Variants in PDZD8 observed in about 807,000 individuals in gnomAD.
The protein encoded by PDZD8 is PDZ domain containing 8, also known as PDZ domain-containing protein 8.
In PDZD8, 14 loss-of-function variants were observed where a neutral mutation model predicts 85.8. That is an observed-to-expected ratio of 0.16 (90% CI 0.11 to 0.26). The LOEUF is 0.26. Among genes scored for constraint, PDZD8 ranks in the 10% least tolerant of loss-of-function variants. The pLI is 1.00. For missense variants in PDZD8, 1,197 were observed against 1,424.3 expected, an observed-to-expected ratio of 0.84 and a Z score of 2.57; for synonymous variants, 592 against 568.6, an observed-to-expected ratio of 1.04 and a Z score of -0.59.
rs539100505 is a variant in PDZD8 at position 117,330,297 on chromosome 10, C to T, written c.995+10683G>A. ...TTCAGTCCTCATTTTCCCCCTGCTA[C>T]CTCTAAAACCCCAAGAGTTTGCAGA... is the stretch of plus-strand genomic sequence containing the variant. On this transcript the variant is annotated intron_variant, in intron 2 of 4. Coordinates refer to ENST00000334464, the MANE Select transcript of PDZD8 (RefSeq NM_173791.5). Among the ~76,000 whole-genome samples the T allele has an allele frequency of 5.3e-5, 8 of 152,222 alleles. No individual in the cohort carries two copies. The South Asian group carries it at 1.7e-3, about 32-fold the overall frequency.
chr10:117,316,759 T>A (rs1179593047), intron 3 of PDZD8, among the ~76,000 whole-genome samples: 1 of 152,154 alleles, frequency 6.6e-6, no homozygotes. Context: ...ATAAAAGCCA[T>A]TCATAACTCC....
intron 3 of PDZD8, among the ~76,000 whole-genome samples, chr10:117,292,954 C>A (rs1844796378): frequency 6.6e-6 from 1 of 151,744 alleles, no homozygotes; most frequent in African/African-American, 2.4e-5. Context: ...AAGCCTGCAC[C>A]CCACTGACCT....
At chr10:117,296,501 G>C (rs886791228) in intron 3 of PDZD8, among the ~76,000 whole-genome samples, 2 of 152,048 alleles carry the variant, frequency 1.3e-5, no homozygotes, top group African/African-American at 4.8e-5. Context: ...AATGGACCAA[G>C]AACAGCCAAA....
At chr10:117,332,506 T>C (rs1407144496) in intron 2 of PDZD8, among the ~76,000 whole-genome samples, 5 of 142,180 alleles carry the variant, frequency 3.5e-5, no homozygotes, top group Admixed American at 7.0e-5. Flanking sequence ...AAGGGTTTTT[T>C]TTTTTTTTTT....
intron 1 of PDZD8, among the ~76,000 whole-genome samples, chr10:117,357,281 G>T (rs972098547): frequency 6.6e-6 from 1 of 152,080 alleles, no homozygotes; most frequent in Non-Finnish European, 1.5e-5. Flanking sequence ...TGTAGTCTCA[G>T]CTACTTGGGA....
In PDZD8 at chr10:117,284,713, C is replaced by A. The variant is rs777134364; in HGVS notation, c.2020G>T (p.Asp674Tyr). ...GATGATTCCCATGTTTGACGGTCGT[C>A]CGAACTGTCCTTAGTAGGGCAGGAA... ...ETSCPTKDSS[D>Y]DRQTWESSEI... The change falls in exon 5 of 5, where the codon GAC becomes TAC. Residue 674 changes from aspartate (D) to tyrosine (Y), a missense_variant. Physicochemically the swap from Asp to Tyr is radical, Grantham distance 160 (BLOSUM62 -3). Coordinates refer to ENST00000334464, the MANE Select transcript of PDZD8 (RefSeq NM_173791.5). 1.2e-6 allele frequency: 2 copies of A among 1,614,196 alleles called. No individual in the cohort carries two copies. The highest frequency in any genetic ancestry group is 8.5e-7 in the Non-Finnish European group (1 of 1,180,016).
At chr10:117,373,898 C>T (rs900002778) in intron 1 of PDZD8, among the ~76,000 whole-genome samples, 72 of 152,194 alleles carry the variant, frequency 4.7e-4, no homozygotes, top group African/African-American at 1.6e-3. Flanking sequence ...TAGCACAGAC[C>T]TGGGCTATAA....
At chr10:117,363,398 TAG>T (rs1353247247) in intron 1 of PDZD8, among the ~76,000 whole-genome samples, 6 of 152,146 alleles carry the variant, frequency 3.9e-5, no homozygotes, top group African/African-American at 1.2e-4. Context: ...TTTTTCAAAA[TAG>T]AGATTCTTGT....
At chr10:117,340,738 A>T (rs79750658) in intron 2 of PDZD8, among the ~76,000 whole-genome samples, 6,129 of 152,308 alleles carry the variant, frequency 0.04, 143 homozygotes, top group East Asian at 0.067. Flanking sequence ...AGCACTATGC[A>T]TCTAAATAGT....
At chr10:117,366,021 G>A (rs1458040000) in intron 1 of PDZD8, among the ~76,000 whole-genome samples, 1 of 151,738 alleles carries the variant, frequency 6.6e-6, no homozygotes, top group Non-Finnish European at 1.5e-5. Context: ...CCCTCAGCCT[G>A]CTATATGAAA....
Position 117,280,658 on chromosome 10 carries a change from C to T in PDZD8, c.*2610G>A, listed in dbSNP as rs1844562940. The T allele has an allele frequency of 6.6e-6, 1 of 152,196 alleles. No homozygotes were observed. Among genetic ancestry groups the T allele is most frequent in the Non-Finnish European group, 1.5e-5 (1 of 68,046 alleles). 9.4% of individuals were successfully genotyped at this position (152,196 alleles called of 1,614,324 possible). On this transcript the variant is annotated 3_prime_UTR_variant, in exon 5 of 5. Coordinates refer to ENST00000334464, the MANE Select transcript of PDZD8 (RefSeq NM_173791.5). ...TTCCCCCACTTGCACTAAAGTACAA[C>T]TATGATGTCTCTACTGCCTCTCCCA...
In PDZD8 at chr10:117,285,162, C is replaced by T. The variant is rs373926666; in HGVS notation, c.1571G>A (p.Arg524His). The change falls in exon 5 of 5, where the codon CGT (arginine) becomes CAT (histidine). Residue 524 changes from arginine to histidine, a missense_variant. Coordinates refer to ENST00000334464, the MANE Select transcript of PDZD8 (RefSeq NM_173791.5). ...TTTAATAGAAAGTGTTGTTGGAACA[C>T]GTTTGGGACTATGACTTAATGATTG... Reference protein sequence around the residue: ...EAQSLSHSPKRVPTTLSIKPL... With the variant: ...EAQSLSHSPKHVPTTLSIKPL... 16 of 1,613,974 alleles carry T rather than the reference C, an allele frequency of 9.9e-6. No homozygotes were observed. Among genetic ancestry groups the T allele is most frequent in the African/African-American group, 6.7e-5 (5 of 74,912 alleles).
chr10:117,306,888 A>G (rs1257768155), intron 3 of PDZD8, among the ~76,000 whole-genome samples: 4 of 152,136 alleles, frequency 2.6e-5, no homozygotes, highest in African/African-American at 9.6e-5. Context: ...ATATTTAAGC[A>G]TGTATTACCT....
chr10:117,356,891 T>C (rs1241024942), intron 1 of PDZD8, among the ~76,000 whole-genome samples: 4 of 152,322 alleles, frequency 2.6e-5, no homozygotes, highest in African/African-American at 9.6e-5. Flanking sequence ...TTCCATGATA[T>C]AGAATCTTTT....
chr10:117,335,533 C>A lies in PDZD8; in HGVS notation c.995+5447G>T, dbSNP rs529898183. Among the ~76,000 whole-genome samples the A allele has an allele frequency of 2.0e-5, 3 of 152,232 alleles. No homozygotes were observed. In the South Asian group the frequency reaches 6.2e-4, roughly 32 times the overall value. On this transcript the variant is annotated intron_variant, in intron 2 of 4. Coordinates refer to ENST00000334464, the MANE Select transcript of PDZD8 (RefSeq NM_173791.5). ...AATAACCTATATACCATCTGTATAT[C>A]TTTTTGTACAGTTCTGGGTTTGCAG...
At chr10:117,332,860 G>A (rs1478065580) in intron 2 of PDZD8, among the ~76,000 whole-genome samples, 1 of 149,082 alleles carries the variant, frequency 6.7e-6, no homozygotes, top group Non-Finnish European at 1.5e-5. Context: ...GCTCATGCCT[G>A]TAATCCCAGC....
intron 1 of PDZD8, among the ~76,000 whole-genome samples, chr10:117,366,409 C>T (rs528722400): frequency 6.6e-6 from 1 of 152,142 alleles, no homozygotes; most frequent in East Asian, 1.9e-4. Context: ...TCAATGTACA[C>T]ATATATAGCT....
Position 117,375,206 on chromosome 10 carries a change from G to A in PDZD8, c.22C>T (p.Leu8=), listed in dbSNP as rs1213044975. 2.6e-6 allele frequency: 4 copies of A among 1,544,558 alleles called. No homozygotes were observed. The highest frequency in any genetic ancestry group is 3.9e-5 in the Admixed American group (2 of 51,864). Residue 8 remains leucine, a synonymous_variant, in exon 1 of 5, where the codon CTG becomes TTG. Coordinates refer to ENST00000334464, the MANE Select transcript of PDZD8 (RefSeq NM_173791.5). MGLLLMI[L]ASAVLGSFLT... Reference sequence around the variant, plus strand: ...AAGGAACCCAGCACGGCCGACGCCAGGATCATGAGCAGCAGCCCCATCCCG... The same window carrying A: ...AAGGAACCCAGCACGGCCGACGCCAAGATCATGAGCAGCAGCCCCATCCCG...
At chr10:117,315,612 A>C (rs903981186) in intron 3 of PDZD8, among the ~76,000 whole-genome samples, 9 of 149,936 alleles carry the variant, frequency 6.0e-5, no homozygotes, top group African/African-American at 1.2e-4. Context: ...AAAAAAAAAA[A>C]CAATAATCTA....
Sources: gnomAD v4.1 joint callset for allele counts (sites outside exome capture counted in the v4.1 genomes callset) on GRCh38, gnomAD v4.1.1 for gene constraint, MANE v1.5 for transcripts, NCBI Gene and HGNC (gene_info 2026-07-23, HGNC 2026-07-21) for gene names.